VASH1: variants seen among roughly 807,000 people sequenced by gnomAD.
The protein encoded by VASH1 is vasohibin 1, also known as tubulinyl-Tyr carboxypeptidase 1.
In VASH1, 16 loss-of-function variants were observed where a neutral mutation model predicts 35.0. The ratio of observed to expected loss-of-function variants is 0.46; its 90% CI spans 0.31 to 0.70. VASH1 has a LOEUF of 0.70. Ranked by LOEUF, VASH1 falls within the 30% of genes least tolerant of loss-of-function variation. The pLI is 0.05. For missense variants in VASH1, 505 were observed against 510.7 expected, an observed-to-expected ratio of 0.99 and a Z score of 0.11; for synonymous variants, 214 against 200.9, an observed-to-expected ratio of 1.07 and a Z score of -0.55.
intron 3 of VASH1, 34 bp from the exon 4 acceptor site, chr14:76,773,103 G>A (rs778082531): frequency 6.8e-6 from 11 of 1,607,062 alleles, no homozygotes; most frequent in African/African-American, 2.7e-5. Flanking sequence ...GGCTGGAGGC[G>A]CTGTCCTTAC....
intron 1 of VASH1, among the ~76,000 whole-genome samples, chr14:76,765,053 C>A (rs1893605823): frequency 6.6e-6 from 1 of 152,138 alleles, no homozygotes; most frequent in Non-Finnish European, 1.5e-5. Context: ...TTGCTCAGAT[C>A]ATTTGTCCCG....
At chr14:76,766,070 G>A (rs1019329263) in intron 1 of VASH1, among the ~76,000 whole-genome samples, 1 of 152,192 alleles carries the variant, frequency 6.6e-6, no homozygotes, top group Admixed American at 6.5e-5. Context: ...GATGTTAGAG[G>A]AATTAATGAT....
chr14:76,776,095 C>A lies in VASH1; in HGVS notation c.734C>A (p.Ala245Asp), dbSNP rs748632716. ...TLSELVLDFEAAYGRCWHVLK... is the reference protein window; with the variant it reads ...TLSELVLDFEDAYGRCWHVLK... ...AGCGAGCTCGTGCTGGACTTCGAGGCCGCCTACGGCCGCTGCTGGCACGTG... is the reference window on the plus strand; with the variant it reads ...AGCGAGCTCGTGCTGGACTTCGAGGACGCCTACGGCCGCTGCTGGCACGTG... The change falls in exon 5 of 7, where the codon GCC becomes GAC. Residue 245 changes from alanine to aspartate, a missense_variant. Transcript: ENST00000167106. 2 of 1,608,520 alleles carry A rather than the reference C, an allele frequency of 1.2e-6. No individual in the cohort carries two copies. Among genetic ancestry groups the A allele is most frequent in the Non-Finnish European group, 1.7e-6 (2 of 1,179,436 alleles).
At chr14:76,775,848 C>T (rs1893921770) in intron 4 of VASH1, 44 bp from the exon 5 acceptor site, 1 of 1,505,854 alleles carries the variant, frequency 6.6e-7, no homozygotes, top group Non-Finnish European at 8.9e-7. Flanking sequence ...GGTGTGCTGG[C>T]CCCGTGCTTC....
Position 76,771,205 on chromosome 14 carries a change from G to T in VASH1, c.414G>T (p.Gly138=). The T allele has an allele frequency of 6.2e-7, 1 of 1,603,758 alleles. No individual in the cohort carries two copies. The highest frequency in any genetic ancestry group is 1.1e-5 in the South Asian group (1 of 89,310). The part of the protein sequence containing the change: ...YIRELQYNHT[G]TQFFEIKKSR... ...GTGCCCACAGGTACAATCACACAGG[G>T]ACACAGTTCTTTGAAATTAAGAAGA... The change falls in exon 3 of 7, where the codon GGG becomes GGT. Residue 138 remains glycine, a synonymous_variant. Transcript: ENST00000167106.
In VASH1 at chr14:76,779,732, C is replaced by G; in HGVS notation, c.*714C>G. 1.7e-6 allele frequency: 1 copy of G among 583,022 alleles called. No homozygotes were observed. The highest frequency in any genetic ancestry group is 2.2e-5 in the South Asian group (1 of 46,032). 36.1% of individuals were successfully genotyped at this position (583,022 alleles called of 1,614,324 possible). A position where few individuals can be genotyped will look rare whatever the true frequency, so the allele number is the denominator to read the frequency against. ...ACCTCTGGGCAAAAAGTTCCCAGGC[C>G]CTAACTGCGTCTACTTGCTCAGTCC... is the stretch of plus-strand genomic sequence containing the variant. On this transcript the variant is annotated 3_prime_UTR_variant, in exon 7 of 7. Coordinates refer to ENST00000167106, the MANE Select transcript of VASH1 (RefSeq NM_014909.5).
chr14:76,774,239 C>T (rs12893314), intron 4 of VASH1: 9,090 of 152,282 alleles, frequency 0.06, 343 homozygotes, highest in Non-Finnish European at 0.079. Context: ...CCCTTCTCTT[C>T]CCGCAGAGGT....
At chr14:76,773,584 C>A in intron 4 of VASH1, 1 of 357,656 alleles carries the variant, frequency 2.8e-6, no homozygotes, top group Non-Finnish European at 5.0e-6. Context: ...CAGATGTTGG[C>A]ATTTCCAGAA....
chr14:76,764,373 C>T (rs1893586124), intron 1 of VASH1, among the ~76,000 whole-genome samples: 1 of 152,196 alleles, frequency 6.6e-6, no homozygotes, highest in South Asian at 2.1e-4. Flanking sequence ...AGCTAATCCC[C>T]TAGAGTTGGA....
Position 76,781,414 on chromosome 14 carries a change from G to C in VASH1, c.*2396G>C, listed in dbSNP as rs191098698. 7.3e-4 allele frequency: 111 copies of C among 152,422 alleles called. No individual in the cohort carries two copies. Among genetic ancestry groups the C allele is most frequent in the Middle Eastern group, 3.4e-3 (1 of 294 alleles). 9.4% of individuals were successfully genotyped at this position (152,422 alleles called of 1,614,324 possible). A position where few individuals can be genotyped will look rare whatever the true frequency, so the allele number is the denominator to read the frequency against. Reference sequence around the variant, plus strand: ...AGATGGCTCACCTTGGGAGGTGCCAGGCTGAAACTAGGTCCTTTCCGGGTC... The same window carrying C: ...AGATGGCTCACCTTGGGAGGTGCCACGCTGAAACTAGGTCCTTTCCGGGTC... On this transcript the variant is annotated 3_prime_UTR_variant, in exon 7 of 7. Coordinates refer to ENST00000167106, the MANE Select transcript of VASH1 (RefSeq NM_014909.5).
At chr14:76,778,471 T>C (rs1219390505) in intron 6 of VASH1, among the ~76,000 whole-genome samples, 3 of 152,134 alleles carry the variant, frequency 2.0e-5, no homozygotes, top group Non-Finnish European at 4.4e-5. Context: ...GAACAAGCCA[T>C]TGAAATACCA....
rs774777589 is a variant in VASH1 at position 76,778,991 on chromosome 14, C to A, written c.1071C>A (p.Asp357Glu). The change falls in exon 7 of 7, where the codon GAC (aspartate) becomes GAA (glutamate). Residue 357 changes from aspartate (D) to glutamate (E), a missense_variant. Coordinates refer to ENST00000167106, the MANE Select transcript of VASH1 (RefSeq NM_014909.5). ...CTTCCGAGCCCAAAGCCATGCCAGA[C>A]CTTAACGGGTACCAGATCCGGGTCT... Reference protein sequence around the residue: ...KKTSEPKAMPDLNGYQIRV With the variant: ...KKTSEPKAMPELNGYQIRV 1 of 1,614,180 alleles carries A rather than the reference C, an allele frequency of 6.2e-7. No individual in the cohort carries two copies. The highest frequency in any genetic ancestry group is 8.5e-7 in the Non-Finnish European group (1 of 1,180,032).
Position 76,780,511 on chromosome 14 carries a change from C to T in VASH1, c.*1493C>T, listed in dbSNP as rs139353766. On this transcript the variant is annotated 3_prime_UTR_variant, in exon 7 of 7. Coordinates refer to ENST00000167106, the MANE Select transcript of VASH1 (RefSeq NM_014909.5). Reference sequence around the variant, plus strand: ...GCTGCAGAAGGGCTGGGGGGCTACACAAGGAAGAGCAGAACTAGGGTTGTA... The same window carrying T: ...GCTGCAGAAGGGCTGGGGGGCTACATAAGGAAGAGCAGAACTAGGGTTGTA... 4 of 152,452 alleles carry T rather than the reference C, an allele frequency of 2.6e-5. No individual in the cohort carries two copies. Among genetic ancestry groups the T allele is most frequent in the African/African-American group, 7.2e-5 (3 of 41,522 alleles). 9.4% of individuals were successfully genotyped at this position (152,452 alleles called of 1,614,324 possible). A position where few individuals can be genotyped will look rare whatever the true frequency, so the allele number is the denominator to read the frequency against.
chr14:76,762,611 G>A lies in VASH1; in HGVS notation c.-211G>A, dbSNP rs1893532308. On this transcript the variant is annotated 5_prime_UTR_variant, in exon 1 of 7. The change abolishes the stop of an existing upstream ORF in the 5' untranslated region. Transcript: ENST00000167106. ...CAAACAGAACAAGGCCTCCAAGGCTGACCCCAGACAACCCACCCCCTCGGA... is the reference window on the plus strand; with the variant it reads ...CAAACAGAACAAGGCCTCCAAGGCTAACCCCAGACAACCCACCCCCTCGGA... The A allele has an allele frequency of 2.4e-6, 1 of 423,728 alleles. No homozygotes were observed. The highest frequency in any genetic ancestry group is 3.6e-5 in the East Asian group (1 of 27,882). The allele number at this position is 423,728 out of a possible 1,614,324, so 26.2% of individuals were successfully genotyped here.
chr14:76,772,534 G>C (rs1290543738), intron 3 of VASH1, among the ~76,000 whole-genome samples: 1 of 152,190 alleles, frequency 6.6e-6, no homozygotes, highest in Non-Finnish European at 1.5e-5. Context: ...TCCCAGGCTG[G>C]GGACAGAGGG....
intron 4 of VASH1, chr14:76,773,555 G>A (rs1392157211): frequency 5.1e-6 from 2 of 390,272 alleles, no homozygotes; most frequent in Non-Finnish European, 9.0e-6. Context: ...GACAGTCTGG[G>A]AGGCACAGTT....
chr14:76,776,306 CT>C, intron 5 of VASH1, 33 bp downstream of exon 5: 1 of 1,500,362 alleles, frequency 6.7e-7, no homozygotes, highest in South Asian at 1.3e-5. Context: ...CGCCCCCTCC[CT>C]CGCCCCCTCC....
At chr14:76,768,635 C>G (rs1430927064) in intron 1 of VASH1, among the ~76,000 whole-genome samples, 1 of 152,204 alleles carries the variant, frequency 6.6e-6, no homozygotes, top group Non-Finnish European at 1.5e-5. Context: ...AGAGCCCCAG[C>G]CACTGCGGTC....
intron 4 of VASH1, 45 bp from the exon 5 acceptor site, chr14:76,775,847 G>GC: frequency 6.6e-7 from 1 of 1,504,916 alleles, no homozygotes; most frequent in Non-Finnish European, 8.9e-7. Flanking sequence ...CGGTGTGCTG[G>GC]CCCCGTGCTT....
Sources: allele counts gnomAD v4.1 joint callset (sites outside exome capture counted in the v4.1 genomes callset), GRCh38; gene constraint gnomAD v4.1.1; transcripts MANE v1.5; gene names NCBI Gene and HGNC (gene_info 2026-07-23, HGNC 2026-07-21).